The following CTIF variants were observed in gnomAD, a reference collection of about 807,000 sequenced individuals.
CTIF encodes CBP80/20-dependent translation initiation factor.
Under a neutral mutation model 66.0 loss-of-function variants are expected in CTIF, and 21 were observed. The ratio of observed to expected loss-of-function variants is 0.32; its 90% CI spans 0.23 to 0.46. The LOEUF is 0.46. Among genes scored for constraint, CTIF ranks in the 20% least tolerant of loss-of-function variants. CTIF has a pLI of 1.00. For synonymous variants in CTIF, 345 were observed against 326.4 expected (o/e 1.06, Z -0.62); for missense variants, 739 against 812.7 (o/e 0.91, Z 1.10).
chr18:48,743,013 A>G (rs538340964), intron 7 of CTIF, among the ~76,000 whole-genome samples: 2 of 152,332 alleles, frequency 1.3e-5, no homozygotes, highest in African/African-American at 4.8e-5. Flanking sequence ...TTAGTCAAAT[A>G]TTTAATTTTT....
chr18:48,677,270 C>T (rs1263902148), intron 6 of CTIF, among the ~76,000 whole-genome samples: 3 of 152,186 alleles, frequency 2.0e-5, no homozygotes, highest in Non-Finnish European at 4.4e-5. Flanking sequence ...CTCCATGTCA[C>T]CCGTGGTCCC....
At chr18:48,732,178 A>T (rs1598944240) in intron 7 of CTIF, among the ~76,000 whole-genome samples, 1 of 152,294 alleles carries the variant, frequency 6.6e-6, no homozygotes, top group East Asian at 1.9e-4. Context: ...GGCCTATCCA[A>T]GCAGGACTCC....
chr18:48,661,045 C>T (rs2091335128), intron 3 of CTIF, among the ~76,000 whole-genome samples: 1 of 152,214 alleles, frequency 6.6e-6, no homozygotes, highest in Non-Finnish European at 1.5e-5. Context: ...CCTCCTGTTA[C>T]AAAGTGGCAT....
At chr18:48,841,742 T>C (rs533042591) in intron 10 of CTIF, among the ~76,000 whole-genome samples, 1 of 151,896 alleles carries the variant, frequency 6.6e-6, no homozygotes, top group African/African-American at 2.4e-5. Context: ...GCTCACTGTC[T>C]CCTCAGCCGG....
chr18:48,588,627 G>T (rs373312004), intron 1 of CTIF, among the ~76,000 whole-genome samples: 7 of 147,142 alleles, frequency 4.8e-5, no homozygotes, highest in East Asian at 4.3e-4. Flanking sequence ...GCCCCTGCCC[G>T]GCTCGCTCCA....
At chr18:48,728,327 C>G (rs1422609268) in intron 7 of CTIF, among the ~76,000 whole-genome samples, 1 of 152,228 alleles carries the variant, frequency 6.6e-6, no homozygotes. Context: ...ACCAAAGCCA[C>G]TCTCACATTG....
At chr18:48,850,676 C>A (rs1403208473) in intron 10 of CTIF, among the ~76,000 whole-genome samples, 1 of 152,208 alleles carries the variant, frequency 6.6e-6, no homozygotes, top group Non-Finnish European at 1.5e-5. Flanking sequence ...CTGACGGGGC[C>A]CCAGGGAGGA....
rs866162998 is a variant in CTIF, at chr18:48,691,313, C to T, written c.508-20306C>T. ...CTGGGTGTTCGTGGCCCTCTGGTGC[C>T]GAAGACAATTCCAGGGCCTGTGTAT... On this transcript the variant is annotated intron_variant, in intron 6 of 11. Transcript: ENST00000256413. 5.3e-5 allele frequency among the ~76,000 whole-genome samples: 8 copies of T among 152,136 alleles called. No individual in the cohort carries two copies. The South Asian group carries it at 6.2e-4, about 12-fold the overall frequency.
chr18:48,710,105 G>T (rs1006273498), intron 6 of CTIF, among the ~76,000 whole-genome samples: 1 of 152,242 alleles, frequency 6.6e-6, no homozygotes. Context: ...GAGCTTGGGG[G>T]CTGAGCCCCG....
At chr18:48,567,778 T>G (rs1599155046) in intron 1 of CTIF, 2 of 152,134 alleles carry the variant, frequency 1.3e-5, no homozygotes. Context: ...GGCTAGAGGT[T>G]AGAGGGCAGG....
rs761496892 is a variant in CTIF, at chr18:48,857,608, G to A, written c.1548G>A (p.Val516=). 1.9e-6 allele frequency: 3 copies of A among 1,608,842 alleles called. No individual in the cohort carries two copies. The highest frequency in any genetic ancestry group is 1.1e-5 in the South Asian group (1 of 89,970). The change falls in exon 11 of 12, where the codon GTG becomes GTA. Residue 516 remains valine (V), a synonymous_variant. Transcript: ENST00000256413. ...CLRELLQSQD[V]KEDAVLCCSM... ...CACAGCTCTTGCAATCTCAGGATGT[G>A]AAGGAAGATGCTGTCCTTTGCTGCT...
chr18:48,753,149 G>C (rs768834613), intron 7 of CTIF, among the ~76,000 whole-genome samples: 2 of 152,198 alleles, frequency 1.3e-5, no homozygotes, highest in African/African-American at 4.8e-5. Flanking sequence ...AGGTGCCTAC[G>C]CTGGTAATAA....
chr18:48,829,008 G>A (rs1348973953), intron 10 of CTIF, among the ~76,000 whole-genome samples: 1 of 152,218 alleles, frequency 6.6e-6, no homozygotes, highest in Non-Finnish European at 1.5e-5. Flanking sequence ...TGAACTTCAA[G>A]AGGCCCCTGC....
intron 1 of CTIF, chr18:48,567,566 G>A (rs1480096744): frequency 6.6e-6 from 1 of 152,210 alleles, no homozygotes; most frequent in Non-Finnish European, 1.5e-5. Flanking sequence ...AGTCTATTGA[G>A]AGCCACTTTC....
intron 9 of CTIF, among the ~76,000 whole-genome samples, chr18:48,772,278 GTTTTTC>G (rs1910221952): frequency 6.6e-6 from 1 of 152,140 alleles, no homozygotes; most frequent in Non-Finnish European, 1.5e-5. Flanking sequence ...CTTTGTTACT[GTTTTTC>G]TTTTCTTTTC....
chr18:48,615,464 C>T (rs11875705), intron 1 of CTIF, among the ~76,000 whole-genome samples: 37,857 of 152,068 alleles, frequency 0.25, 5,032 homozygotes, highest in African/African-American at 0.34. Context: ...TCTCCTGTTC[C>T]CCCTGGAAAA....
At chr18:48,591,594 A>G (rs2143977692) in intron 1 of CTIF, among the ~76,000 whole-genome samples, 1 of 152,322 alleles carries the variant, frequency 6.6e-6, no homozygotes, top group East Asian at 1.9e-4. Context: ...AGCCACTCAC[A>G]TAGCTATCAT....
intron 1 of CTIF, among the ~76,000 whole-genome samples, chr18:48,551,891 G>C (rs780698681): frequency 6.6e-6 from 1 of 151,938 alleles, no homozygotes; most frequent in Non-Finnish European, 1.5e-5. Flanking sequence ...TCCGCCTCCT[G>C]GGTTCACGCC....
chr18:48,730,605 GC>G (rs2092442828), intron 7 of CTIF, among the ~76,000 whole-genome samples: 1 of 83,254 alleles, frequency 1.2e-5, no homozygotes, highest in Non-Finnish European at 2.6e-5. Flanking sequence ...AGGGGCTTCT[GC>G]TGTGTGAGGG....
Sources: allele counts gnomAD v4.1 joint callset (sites outside exome capture counted in the v4.1 genomes callset), GRCh38; gene constraint gnomAD v4.1.1; transcripts MANE v1.5; gene names NCBI Gene and HGNC (gene_info 2026-07-23, HGNC 2026-07-21).